NELL1: variants seen among roughly 807,000 people sequenced by gnomAD.
NELL1 encodes protein kinase C-binding protein NELL1.
A neutral mutation model predicts 107.4 loss-of-function variants in NELL1; 76 were observed. The observed-to-expected ratio is 0.71, with a 90% CI of 0.59 to 0.86. The LOEUF is 0.86. Ranked by LOEUF, NELL1 falls within the 40% of genes least tolerant of loss-of-function variation. The pLI, the probability that NELL1 is intolerant of heterozygous loss-of-function variation, is 0.00. For synonymous variants in NELL1, 353 were observed against 341.2 expected (o/e 1.03, Z -0.38); for missense variants, 1,024 against 1,005.5 (o/e 1.02, Z -0.25).
chr11:21,277,290 A>AT (rs1355300169), intron 14 of NELL1, among the ~76,000 whole-genome samples: 1 of 152,106 alleles, frequency 6.6e-6, no homozygotes, highest in African/African-American at 2.4e-5. Flanking sequence ...CAAAAGACAC[A>AT]TGAAAAAATG....
chr11:21,410,399 G>T (rs1209661071), intron 15 of NELL1, among the ~76,000 whole-genome samples: 1 of 152,054 alleles, frequency 6.6e-6, no homozygotes, highest in East Asian at 1.9e-4. Flanking sequence ...AAAACTCTCT[G>T]AGGAGGAAGG....
chr11:21,506,859 C>T (rs978031211), intron 15 of NELL1, among the ~76,000 whole-genome samples: 2 of 152,116 alleles, frequency 1.3e-5, no homozygotes, highest in South Asian at 2.1e-4. Flanking sequence ...GGCCTTTCCT[C>T]CTAGAAGGGA....
At chr11:20,927,230 T>TG (rs1442204651) in intron 7 of NELL1, 78 bp from the exon 8 acceptor site, 33 of 1,377,366 alleles carry the variant, frequency 2.4e-5, no homozygotes, top group Non-Finnish European at 3.2e-5. Flanking sequence ...AGAAGGATTT[T>TG]TTTTCTTGTT....
chr11:20,847,897 CT>C, intron 4 of NELL1, 144 bp downstream of exon 4: 1 of 790,738 alleles, frequency 1.3e-6, no homozygotes. Context: ...CAAATGGGAC[CT>C]TAGGCATGCT....
At chr11:21,132,237 G>T (rs111778980) in intron 13 of NELL1, among the ~76,000 whole-genome samples, 35 of 152,138 alleles carry the variant, frequency 2.3e-4, no homozygotes, top group African/African-American at 7.9e-4. Context: ...ATATGCACGC[G>T]TGCACACACA....
At chr11:21,106,803 A>G (rs1029468596) in intron 12 of NELL1, among the ~76,000 whole-genome samples, 10 of 152,122 alleles carry the variant, frequency 6.6e-5, no homozygotes, top group Non-Finnish European at 1.5e-4. Context: ...GGAGGACGCT[A>G]TAATTATAGA....
intron 15 of NELL1, among the ~76,000 whole-genome samples, chr11:21,403,528 G>A (rs1852148689): frequency 6.6e-6 from 1 of 151,348 alleles, no homozygotes; most frequent in South Asian, 2.1e-4. Flanking sequence ...ATGGTGAAAT[G>A]TTGGCTGCCT....
chr11:21,085,629 TA>T (rs966856263), intron 12 of NELL1, among the ~76,000 whole-genome samples: 4 of 150,982 alleles, frequency 2.6e-5, no homozygotes, highest in Middle Eastern at 3.4e-3. Context: ...CTTTGTCTAT[TA>T]AAAAAAAACC....
intron 5 of NELL1, among the ~76,000 whole-genome samples, chr11:20,916,804 G>T (rs2134157253): frequency 6.6e-6 from 1 of 151,994 alleles, no homozygotes; most frequent in East Asian, 1.9e-4. Flanking sequence ...GACAATTTCA[G>T]TTTGGAGGCC....
At chr11:21,238,229 C>T (rs904119791) in intron 14 of NELL1, among the ~76,000 whole-genome samples, 5 of 152,042 alleles carry the variant, frequency 3.3e-5, no homozygotes, top group African/African-American at 1.2e-4. Context: ...ATCAACAAGT[C>T]TATCATGTTT....
intron 15 of NELL1, among the ~76,000 whole-genome samples, chr11:21,452,452 C>T (rs1853611415): frequency 6.6e-6 from 1 of 152,030 alleles, no homozygotes; most frequent in Admixed American, 6.5e-5. Flanking sequence ...TTCACTTGAT[C>T]AATGTTGTTT....
chr11:20,970,080 C>CATCCATCCATCCATCGATCT (rs368624254), intron 12 of NELL1, among the ~76,000 whole-genome samples: 1 of 151,298 alleles, frequency 6.6e-6, no homozygotes, highest in East Asian at 1.9e-4. Context: ...TCCATCCATC[C>CATCCATCCATCCATCGATCT]ATCCATCCAT....
chr11:21,061,494 G>T (rs1209307774), intron 12 of NELL1, among the ~76,000 whole-genome samples: 1 of 152,160 alleles, frequency 6.6e-6, no homozygotes, highest in African/African-American at 2.4e-5. Flanking sequence ...AGACTTTGGG[G>T]CCAGATCCAC....
intron 2 of NELL1, among the ~76,000 whole-genome samples, chr11:20,708,432 A>T (rs1272084510): frequency 6.6e-6 from 1 of 152,104 alleles, no homozygotes; most frequent in Non-Finnish European, 1.5e-5. Flanking sequence ...TCATGCTGGG[A>T]ACTGTGGACT....
At chr11:21,309,906 C>G (rs889892220) in intron 14 of NELL1, among the ~76,000 whole-genome samples, 2 of 152,014 alleles carry the variant, frequency 1.3e-5, no homozygotes, top group African/African-American at 2.4e-5. Flanking sequence ...AGTTACAATT[C>G]AAGGTGAGAT....
rs1175344138 is a variant in NELL1, at chr11:21,229,469, T to C, written c.1549+15T>C. ...CATCTGCAGAGGTAGGCTTGCCGCC[T>C]TAGTGTTGAGTTGTGAGCAGCCATT... On this transcript the variant is annotated intron_variant, in intron 14 of 19. Transcript: ENST00000357134. The C allele has an allele frequency of 8.7e-6, 14 of 1,612,960 alleles. No individual in the cohort carries two copies. Among genetic ancestry groups the C allele is most frequent in the Non-Finnish European group, 1.2e-5 (14 of 1,179,430 alleles).
At chr11:20,915,717 A>ATTTTTTTT (rs67447563) in intron 5 of NELL1, among the ~76,000 whole-genome samples, 4 of 58,218 alleles carry the variant, frequency 6.9e-5, no homozygotes, top group African/African-American at 1.8e-4. Context: ...ATATATATAT[A>ATTTTTTTT]TTTTTTTTTT....
At chr11:21,260,126 A>T (rs984917204) in intron 14 of NELL1, 1 of 151,946 alleles carries the variant, frequency 6.6e-6, no homozygotes, top group Non-Finnish European at 1.5e-5. Flanking sequence ...GTCTTATCAC[A>T]TAATATTCTT....
chr11:21,404,505 G>C (rs1396657963), intron 15 of NELL1, among the ~76,000 whole-genome samples: 5 of 151,864 alleles, frequency 3.3e-5, no homozygotes, highest in African/African-American at 1.2e-4. Flanking sequence ...GGTTCACCTA[G>C]TCCTGATTTC....
Sources: gnomAD v4.1 joint callset for allele counts (sites outside exome capture counted in the v4.1 genomes callset) on GRCh38, gnomAD v4.1.1 for gene constraint, MANE v1.5 for transcripts, NCBI Gene and HGNC (gene_info 2026-07-23, HGNC 2026-07-21) for gene names.